The following DIDO1 variants were observed in gnomAD, a reference collection of about 807,000 sequenced individuals.
DIDO1 encodes the protein death-inducer obliterator 1.
DIDO1 carries 16 observed loss-of-function variants against 99.4 expected under a neutral mutation model. The ratio of observed to expected loss-of-function variants is 0.16; its 90% confidence interval spans 0.11 to 0.24. DIDO1 has a LOEUF of 0.24. Among genes scored for constraint, DIDO1 ranks in the 10% least tolerant of loss-of-function variants. The pLI is 1.00. For synonymous variants in DIDO1, 1,366 were observed against 1,239.1 expected (o/e 1.10, Z -2.15); for missense variants, 2,996 against 3,014.0 (o/e 0.99, Z 0.14).
intron 8 of DIDO1, 151 bp from the exon 9 acceptor site, chr20:62,895,316 C>T: frequency 5.8e-6 from 4 of 692,162 alleles, no homozygotes; most frequent in Admixed American, 2.4e-5. Context: ...CAGAGCCCTC[C>T]CTGCAGGGTG....
chr20:62,929,692 A>AAAAAAAAAAAAATAT, upstream of DIDO1, among the ~76,000 whole-genome samples: 4 of 63,710 alleles, frequency 6.3e-5, no homozygotes, highest in African/African-American at 3.0e-4. Flanking sequence ...AAAAAGAAAA[A>AAAAAAAAAAAAATAT]GTGTATATAT....
rs550270297 is a variant in DIDO1, at chr20:62,893,953, G to A, written c.2814C>T (p.Pro938=). ...ACAGGTCTTCCAGCGGGGAGGGCTC[G>A]GGATGGCCATCTCCTGGAGGCCCAG... is the stretch of plus-strand genomic sequence containing the variant. ...YFPGPPGDGH[P]EPSPLEDLSP... is the part of the protein sequence containing the mutation. Residue 938 remains proline (P), a synonymous_variant, in exon 12 of 16, where the codon CCC becomes CCT. Coordinates refer to ENST00000395343, the MANE Select transcript of DIDO1 (RefSeq NM_001193369.2). 9.3e-5 allele frequency: 150 copies of A among 1,612,464 alleles called. No homozygotes were observed. The South Asian group carries it at 1.0e-3, about 11-fold the overall frequency.
upstream of DIDO1, among the ~76,000 whole-genome samples, chr20:62,929,693 G>GCATATATATATATATATATATATATA (rs1555853760): frequency 1.6e-4 from 16 of 97,968 alleles, no homozygotes; most frequent in African/African-American, 8.4e-4. Context: ...AAAAGAAAAA[G>GCATATATATATATATATATATATATA]TGTATATATA....
chr20:62,901,811 T>C (rs1600968045), intron 6 of DIDO1, among the ~76,000 whole-genome samples: 1 of 137,472 alleles, frequency 7.3e-6, no homozygotes, highest in Non-Finnish European at 1.5e-5. Flanking sequence ...TGTTGATGTG[T>C]TAACAGAAAA....
chr20:62,917,670 C>T (rs1477688450), intron 1 of DIDO1, among the ~76,000 whole-genome samples: 5 of 152,156 alleles, frequency 3.3e-5, no homozygotes, highest in African/African-American at 1.2e-4. Flanking sequence ...GACATTTAAT[C>T]ACAGCGAAAG....
chr20:62,921,687 T>C (rs569271631), intron 1 of DIDO1, among the ~76,000 whole-genome samples: 49 of 141,792 alleles, frequency 3.5e-4, no homozygotes, highest in East Asian at 1.8e-3. Flanking sequence ...TGGAGGGCAA[T>C]GGAGCGACTG....
chr20:62,908,732 G>A (rs1225879240), intron 4 of DIDO1, among the ~76,000 whole-genome samples: 1 of 152,142 alleles, frequency 6.6e-6, no homozygotes, highest in African/African-American at 2.4e-5. Flanking sequence ...GGTGGTGTGT[G>A]CTTGTAGTCC....
At chr20:62,934,486 C>T (rs932009273) in intron 1 of DIDO1, among the ~76,000 whole-genome samples, 3 of 152,192 alleles carry the variant, frequency 2.0e-5, no homozygotes, top group African/African-American at 4.8e-5. Context: ...GATGGTCCCA[C>T]CACCCTATAA....
In DIDO1 at chr20:62,880,427, T is replaced by C. The variant is rs1217361843; in HGVS notation, c.5529A>G (p.Glu1843=). ...TCTCCCCATGGGGATCCTTGCGTTC[T>C]TCAAATTGGGATGGTGCCACTCCTC... ...GPRGVAPSQF[E]ERKDPHGEKR... The change falls in exon 16 of 16, where the codon GAA becomes GAG. Residue 1843 remains glutamate, a synonymous_variant. Coordinates refer to ENST00000395343, the MANE Select transcript of DIDO1 (RefSeq NM_001193369.2). 6.2e-7 allele frequency: 1 copy of C among 1,612,884 alleles called. No homozygotes were observed. The highest frequency in any genetic ancestry group is 2.2e-5 in the East Asian group (1 of 44,860).
At chr20:62,936,569 A>G (rs2065387144) in intron 1 of DIDO1, among the ~76,000 whole-genome samples, 1 of 141,538 alleles carries the variant, frequency 7.1e-6, no homozygotes, top group Non-Finnish European at 1.5e-5. Context: ...AATAGAATAA[A>G]ATAAAATCAA....
Position 62,881,694 on chromosome 20 carries a change from C to G in DIDO1, c.4262G>C (p.Arg1421Pro), listed in dbSNP as rs767479028. Residue 1421 changes from arginine to proline, a missense_variant, in exon 16 of 16, where the codon CGG (arginine) becomes CCG (proline). Transcript: ENST00000395343. This position sits in a 1 kb window ranked among gnomAD's most constrained non-coding sequence, Gnocchi z 8.3. Reference protein sequence around the residue: ...ERAPEAAAAEREEVAYDPEDE... With the variant: ...ERAPEAAAAEPEEVAYDPEDE... Reference sequence around the variant, plus strand: ...CTCGGGGTCATAGGCCACCTCTTCCCGCTCGGCTGCAGCTGCTTCAGGAGC... The same window carrying G: ...CTCGGGGTCATAGGCCACCTCTTCCGGCTCGGCTGCAGCTGCTTCAGGAGC... The G allele has an allele frequency of 1.2e-6, 2 of 1,612,896 alleles. No homozygotes were observed. Among genetic ancestry groups the G allele is most frequent in the Non-Finnish European group, 8.5e-7 (1 of 1,180,026 alleles).
chr20:62,916,018 T>C (rs1314227587), intron 1 of DIDO1, among the ~76,000 whole-genome samples: 1 of 152,292 alleles, frequency 6.6e-6, no homozygotes, highest in Admixed American at 6.5e-5. Flanking sequence ...CATAATGTCT[T>C]CAACAGAGAA....
Position 62,881,383 on chromosome 20 carries a change from G to A in DIDO1, c.4573C>T (p.Pro1525Ser), listed in dbSNP as rs1307362466. 1.9e-6 allele frequency: 3 copies of A among 1,606,984 alleles called. No individual in the cohort carries two copies. The highest frequency in any genetic ancestry group is 2.5e-6 in the Non-Finnish European group (3 of 1,179,918). ...TCTGCCTTGGGCAAGGACGACTTTG[G>A]TGGTGGAGACATCAAGGCGTCCGAC... ...SVSDALMSPP[P>S]KSSLPKAELF... The change falls in exon 16 of 16, where the codon CCA (proline) becomes TCA (serine). Residue 1525 changes from proline (P) to serine (S), a missense_variant. By Grantham distance (74) the Pro-to-Ser change is moderately conservative. Around this residue, in one of 5 missense-constraint regions of DIDO1, gnomAD observed 1,562 missense variants for 1,412.6 expected, o/e 1.11. Transcript: ENST00000395343. This position sits in a 1 kb window ranked among gnomAD's most constrained non-coding sequence, Gnocchi z 8.3.
Position 62,905,786 on chromosome 20 carries a change from T to C in DIDO1, c.1588+101A>G, listed in dbSNP as rs375169700. On this transcript the variant is annotated intron_variant, in intron 6 of 15. Coordinates refer to ENST00000395343, the MANE Select transcript of DIDO1 (RefSeq NM_001193369.2). ...GGTGCAGCCGGTGTCTGTGATCAGC[T>C]TAACACAAAGCTGCAACTCCCAGTC... 5.0e-6 allele frequency: 8 copies of C among 1,612,758 alleles called. No homozygotes were observed. The African/African-American group carries it at 1.1e-4, about 22-fold the overall frequency.
At chr20:62,900,142 C>G (rs1325555743) in intron 6 of DIDO1, among the ~76,000 whole-genome samples, 2 of 152,228 alleles carry the variant, frequency 1.3e-5, no homozygotes, top group Non-Finnish European at 2.9e-5. Context: ...TGGTGGTGAC[C>G]TGGTCACACC....
At chr20:62,908,201 G>A (rs961659653) in intron 4 of DIDO1, among the ~76,000 whole-genome samples, 1 of 152,062 alleles carries the variant, frequency 6.6e-6, no homozygotes, top group Non-Finnish European at 1.5e-5. Context: ...GGCTGGTCTC[G>A]AACTCTTGGC....
At chr20:62,920,024 T>G (rs1163966895) in intron 1 of DIDO1, among the ~76,000 whole-genome samples, 1 of 152,224 alleles carries the variant, frequency 6.6e-6, no homozygotes, top group Non-Finnish European at 1.5e-5. Context: ...AAAGAAAGTA[T>G]GGTTTCAAAC....
chr20:62,926,290 GGCC>G (rs2065254049), intron 1 of DIDO1, 146 bp downstream of exon 1: 4 of 151,642 alleles, frequency 2.6e-5, no homozygotes, highest in East Asian at 1.9e-4. Context: ...TCCCTTCCGC[GGCC>G]GCCATCTTCT....
chr20:62,882,915 C>CTTTTTTT (rs10583836), intron 15 of DIDO1, among the ~76,000 whole-genome samples: 33 of 81,376 alleles, frequency 4.1e-4, no homozygotes, highest in East Asian at 1.6e-3. Flanking sequence ...AACAAACAGC[C>CTTTTTTT]TTTTTTTTTT....
Sources: allele counts gnomAD v4.1 joint callset (sites outside exome capture counted in the v4.1 genomes callset), GRCh38; gene constraint gnomAD v4.1.1; regional missense constraint gnomAD v4.1.1; non-coding constraint Gnocchi (gnomAD v3.1); transcripts MANE v1.5; gene names NCBI Gene and HGNC (gene_info 2026-07-23, HGNC 2026-07-21).